The following GABRG3 variants were observed in gnomAD, a reference collection of about 807,000 sequenced individuals.
GABRG3 encodes the protein gamma-aminobutyric acid receptor subunit gamma-3.
Under a neutral mutation model 48.8 loss-of-function variants are expected in GABRG3, and 25 were observed. The ratio of observed to expected loss-of-function variants is 0.51; its 90% CI spans 0.37 to 0.72. The LOEUF is 0.72. GABRG3 is among the 30% of genes least tolerant of loss of function. The pLI is 0.00. For synonymous variants in GABRG3, 227 were observed against 217.6 expected (o/e 1.04, Z -0.38); for missense variants, 394 against 577.9 (o/e 0.68, Z 3.26).
At chr15:27,349,324 T>G (rs1373542506) in intron 5 of GABRG3, among the ~76,000 whole-genome samples, 2 of 152,168 alleles carry the variant, frequency 1.3e-5, no homozygotes, top group Admixed American at 6.5e-5. Flanking sequence ...GCTTCTGGCT[T>G]GTTATACTTA....
chr15:27,089,312 C>T (rs1361479876), intron 3 of GABRG3, among the ~76,000 whole-genome samples: 3 of 152,102 alleles, frequency 2.0e-5, no homozygotes, highest in Non-Finnish European at 4.4e-5. Context: ...CTGGGAGGAG[C>T]GAGGTGGACC....
intron 3 of GABRG3, among the ~76,000 whole-genome samples, chr15:27,291,707 T>C (rs1891797704): frequency 1.3e-5 from 2 of 152,222 alleles, no homozygotes; most frequent in Non-Finnish European, 2.9e-5. Flanking sequence ...TTAAAGTGAA[T>C]TGAAGAACAA....
intron 3 of GABRG3, among the ~76,000 whole-genome samples, chr15:27,263,529 C>T (rs1275195879): frequency 2.0e-5 from 3 of 152,038 alleles, no homozygotes; most frequent in East Asian, 1.9e-4. Flanking sequence ...TAGGAGCGTC[C>T]GATGCACAGA....
intron 3 of GABRG3, among the ~76,000 whole-genome samples, chr15:27,258,846 C>T (rs1425702320): frequency 6.6e-6 from 1 of 152,074 alleles, no homozygotes; most frequent in African/African-American, 2.4e-5. Flanking sequence ...GGAACTCATT[C>T]CTCTTATCTG....
rs766521429 is a variant in GABRG3, at chr15:26,977,143, T to C, written c.195T>C (p.Asp65=). 1 of 1,611,232 alleles carries C rather than the reference T, an allele frequency of 6.2e-7. No individual in the cohort carries two copies. The change falls in exon 2 of 10, where the codon GAT becomes GAC. Residue 65 remains aspartate (D), a synonymous_variant. Transcript: ENST00000615808. ...AATATGATAAAAAGCTGAGGCCAGA[T>C]ATTGGAAGTGAGTGTTGTTTTTTGT... The part of the protein sequence containing the change: ...LREYDKKLRP[D]IGIKPTVIDV...
At chr15:27,306,149 T>G (rs1056104969) in intron 3 of GABRG3, among the ~76,000 whole-genome samples, 65 of 127,898 alleles carry the variant, frequency 5.1e-4, no homozygotes, top group Non-Finnish European at 8.5e-4. Flanking sequence ...TAAACATATA[T>G]AATATAAACC....
intron 3 of GABRG3, among the ~76,000 whole-genome samples, chr15:27,048,263 G>T (rs1426979927): frequency 6.6e-6 from 1 of 152,206 alleles, no homozygotes; most frequent in Non-Finnish European, 1.5e-5. Flanking sequence ...TTCCCTCAGA[G>T]GTGCCACTGA....
chr15:27,201,380 AAG>A (rs752468538), intron 3 of GABRG3, among the ~76,000 whole-genome samples: 142 of 145,576 alleles, frequency 9.8e-4, no homozygotes, highest in Non-Finnish European at 1.5e-3. Flanking sequence ...GTGAGAGAGA[AAG>A]AGAGAGAGAA....
At chr15:27,336,555 C>T (rs1228448127) in intron 5 of GABRG3, among the ~76,000 whole-genome samples, 1 of 152,132 alleles carries the variant, frequency 6.6e-6, no homozygotes, top group East Asian at 1.9e-4. Flanking sequence ...TGTGGAAAAC[C>T]TGGATACACT....
chr15:27,003,425 T>G (rs375426368), intron 2 of GABRG3, among the ~76,000 whole-genome samples: 1 of 151,048 alleles, frequency 6.6e-6, no homozygotes, highest in Non-Finnish European at 1.5e-5. Context: ...GTGATGACTC[T>G]TAACGAGCAT....
intron 5 of GABRG3, among the ~76,000 whole-genome samples, chr15:27,454,391 G>A (rs1320390992): frequency 6.6e-6 from 1 of 152,136 alleles, no homozygotes; most frequent in Non-Finnish European, 1.5e-5. Flanking sequence ...TGATAGTAGA[G>A]GTCTACATGC....
intron 3 of GABRG3, among the ~76,000 whole-genome samples, chr15:27,072,745 G>A (rs1896849156): frequency 6.6e-6 from 1 of 152,298 alleles, no homozygotes; most frequent in South Asian, 2.1e-4. Flanking sequence ...TGAGGAGGAA[G>A]GGGGGTTTGC....
At chr15:27,181,999 T>G (rs1887947488) in intron 3 of GABRG3, among the ~76,000 whole-genome samples, 1 of 149,198 alleles carries the variant, frequency 6.7e-6, no homozygotes, top group South Asian at 2.1e-4. Context: ...TATAATAATA[T>G]TATAATAATA....
At chr15:27,073,937 C>T (rs1362805017) in intron 3 of GABRG3, among the ~76,000 whole-genome samples, 2 of 152,208 alleles carry the variant, frequency 1.3e-5, no homozygotes, top group African/African-American at 4.8e-5. Context: ...CTTATAAAGA[C>T]TGGGCAATTT....
At chr15:27,246,990 G>T (rs572395642) in intron 3 of GABRG3, among the ~76,000 whole-genome samples, 1 of 152,282 alleles carries the variant, frequency 6.6e-6, no homozygotes, top group South Asian at 2.1e-4. Context: ...TATAAACAGG[G>T]TTCCTCTCTT....
chr15:27,112,623 G>A (rs7495216), intron 3 of GABRG3, among the ~76,000 whole-genome samples: 90,986 of 151,542 alleles, frequency 0.6, 27,868 homozygotes, highest in African/African-American at 0.71. Context: ...TATTTTTAGT[G>A]GAGATGGGGT....
At chr15:27,294,719 G>T (rs557268526) in intron 3 of GABRG3, 21 of 152,156 alleles carry the variant, frequency 1.4e-4, no homozygotes, top group African/African-American at 5.1e-4. Flanking sequence ...GTCTTAACAC[G>T]CCCTCAGGTC....
intron 5 of GABRG3, among the ~76,000 whole-genome samples, chr15:27,408,522 T>A (rs1289687128): frequency 2.0e-5 from 3 of 152,218 alleles, no homozygotes; most frequent in Non-Finnish European, 4.4e-5. Context: ...TGGATCCTAT[T>A]ATCATGAAGA....
chr15:27,416,895 A>G (rs2140605859), intron 5 of GABRG3, among the ~76,000 whole-genome samples: 1 of 152,326 alleles, frequency 6.6e-6, no homozygotes, highest in South Asian at 2.1e-4. Flanking sequence ...TTCTCTTTCT[A>G]AGAATGTATA....
Sources: allele counts gnomAD v4.1 joint callset (sites outside exome capture counted in the v4.1 genomes callset), GRCh38; gene constraint gnomAD v4.1.1; transcripts MANE v1.5; gene names NCBI Gene and HGNC (gene_info 2026-07-23, HGNC 2026-07-21).